Variants in SSH2 observed in about 807,000 individuals in gnomAD.
SSH2 encodes slingshot protein phosphatase 2.
Under a neutral mutation model 135.2 loss-of-function variants are expected in SSH2, and 37 were observed. The ratio of observed to expected loss-of-function variants is 0.27; its 90% CI spans 0.21 to 0.36. SSH2 has a LOEUF of 0.36. Ranked by LOEUF, SSH2 falls within the 10% of genes least tolerant of loss-of-function variation. The pLI is 1.00. For missense variants in SSH2, 1,408 were observed against 1,765.3 expected (o/e 0.80, Z 3.63); for synonymous variants, 628 against 646.2 (o/e 0.97, Z 0.43).
chr17:29,704,682 G>A (rs571468204), intron 3 of SSH2, among the ~76,000 whole-genome samples: 9 of 138,174 alleles, frequency 6.5e-5, no homozygotes, highest in South Asian at 4.5e-4. Flanking sequence ...CAGCTGGGGC[G>A]ACAGAGCAAG....
intron 12 of SSH2, among the ~76,000 whole-genome samples, chr17:29,653,124 T>C (rs1410722402): frequency 6.6e-6 from 1 of 152,184 alleles, no homozygotes; most frequent in East Asian, 1.9e-4. Context: ...TTGAAACTTT[T>C]TTCCCATCTC....
intron 2 of SSH2, among the ~76,000 whole-genome samples, chr17:29,812,477 G>C (rs1180767384): frequency 1.3e-5 from 2 of 151,962 alleles, no homozygotes; most frequent in African/African-American, 4.8e-5. Flanking sequence ...AGAGATGACA[G>C]CTCACTCTAT....
At chr17:29,706,194 G>A (rs1375558409) in intron 3 of SSH2, among the ~76,000 whole-genome samples, 1 of 152,150 alleles carries the variant, frequency 6.6e-6, no homozygotes, top group African/African-American at 2.4e-5. Context: ...GCAGATTAAT[G>A]GACTTTAAGA....
chr17:29,883,476 A>G (rs1376263904), intron 1 of SSH2, among the ~76,000 whole-genome samples: 1 of 152,228 alleles, frequency 6.6e-6, no homozygotes, highest in Admixed American at 6.5e-5. Context: ...TTAACTATAC[A>G]TGACATACTA....
chr17:29,875,074 A>G (rs1290796548), intron 1 of SSH2, among the ~76,000 whole-genome samples: 2 of 152,162 alleles, frequency 1.3e-5, no homozygotes. Context: ...CATTGAGTCA[A>G]ACCATGGTAA....
chr17:29,685,600 A>T (rs2038178021), intron 5 of SSH2, among the ~76,000 whole-genome samples: 2 of 152,070 alleles, frequency 1.3e-5, no homozygotes, highest in African/African-American at 4.8e-5. Flanking sequence ...AGCCTGGCCA[A>T]CATGGTGAAA....
chr17:29,743,923 T>G (rs1392732391), intron 3 of SSH2, among the ~76,000 whole-genome samples: 4 of 142,770 alleles, frequency 2.8e-5, no homozygotes, highest in Non-Finnish European at 6.0e-5. Flanking sequence ...TTTTTTTTTT[T>G]TTTTTTTTAC....
chr17:29,910,247 C>A (rs1170949964), intron 1 of SSH2, among the ~76,000 whole-genome samples: 7 of 152,156 alleles, frequency 4.6e-5, no homozygotes, highest in African/African-American at 1.7e-4. Flanking sequence ...CCATGCCCAG[C>A]TCACTGTTAT....
chr17:29,661,854 A>G (rs1277351517), intron 11 of SSH2, among the ~76,000 whole-genome samples: 1 of 152,216 alleles, frequency 6.6e-6, no homozygotes, highest in Non-Finnish European at 1.5e-5. Context: ...AATAAATTAA[A>G]GGCACTGGTT....
intron 2 of SSH2, among the ~76,000 whole-genome samples, chr17:29,829,862 C>A (rs1338116248): frequency 2.2e-5 from 3 of 136,956 alleles, no homozygotes; most frequent in Admixed American, 7.6e-5. Flanking sequence ...TTTTTTGAGA[C>A]AGAGTCTCGC....
chr17:29,736,516 G>A (rs115905730), intron 3 of SSH2, among the ~76,000 whole-genome samples: 2,041 of 152,218 alleles, frequency 0.013, 56 homozygotes, highest in African/African-American at 0.047. Context: ...GGTTGGGCGC[G>A]GTGGCTCACG....
chr17:29,871,776 T>C (rs2065940017), intron 1 of SSH2, among the ~76,000 whole-genome samples: 1 of 152,100 alleles, frequency 6.6e-6, no homozygotes. Flanking sequence ...GAGTGTAAAA[T>C]AGTAAAATTT....
intron 2 of SSH2, among the ~76,000 whole-genome samples, chr17:29,845,337 A>T (rs1452689328): frequency 6.6e-6 from 1 of 152,168 alleles, no homozygotes; most frequent in Non-Finnish European, 1.5e-5. Context: ...GCTTCAAATT[A>T]CAAAGAAGCT....
intron 2 of SSH2, among the ~76,000 whole-genome samples, chr17:29,825,809 C>T (rs1038974822): frequency 8.5e-5 from 13 of 152,274 alleles, no homozygotes; most frequent in African/African-American, 3.1e-4. Flanking sequence ...TTTTAAACAC[C>T]TGTCATTATA....
Position 29,698,396 on chromosome 17 carries a change from CA to C in SSH2, c.293-2874del, listed in dbSNP as rs1214300097. 2.6e-5 allele frequency among the ~76,000 whole-genome samples: 4 copies of C among 152,230 alleles called. No homozygotes were observed. In the South Asian group the frequency reaches 6.2e-4, roughly 24 times the overall value. ...AGCTGTTAAACAAAAAATAAAAGAACAAGTATGAGGAGACAAAGTGTTAGGT... is the reference window on the plus strand; with the variant it reads ...AGCTGTTAAACAAAAAATAAAAGAACAGTATGAGGAGACAAAGTGTTAGGT... On this transcript the variant is annotated intron_variant, in intron 4 of 15. Transcript: ENST00000540801.
chr17:29,910,771 TG>T (rs990940490), intron 1 of SSH2, among the ~76,000 whole-genome samples: 38 of 152,348 alleles, frequency 2.5e-4, no homozygotes, highest in African/African-American at 8.9e-4. Flanking sequence ...CATTATTTTT[TG>T]CTTTTGAAAT....
At chr17:29,665,952 T>G (rs2037253208) in intron 11 of SSH2, among the ~76,000 whole-genome samples, 1 of 152,220 alleles carries the variant, frequency 6.6e-6, no homozygotes. Context: ...AGTAGTCTCT[T>G]GTCTCTCAGT....
At chr17:29,803,722 A>G (rs1405968319) in intron 2 of SSH2, among the ~76,000 whole-genome samples, 1 of 152,262 alleles carries the variant, frequency 6.6e-6, no homozygotes, top group East Asian at 1.9e-4. Context: ...AAAAACAGGT[A>G]GTTAATGACA....
At chr17:29,903,186 A>C (rs931439590) in intron 1 of SSH2, among the ~76,000 whole-genome samples, 15 of 150,566 alleles carry the variant, frequency 1.0e-4, no homozygotes, top group African/African-American at 3.4e-4. Context: ...CTCTGTCTCA[A>C]CTTAAAAATA....
Sources: allele counts gnomAD v4.1 joint callset (sites outside exome capture counted in the v4.1 genomes callset), GRCh38; gene constraint gnomAD v4.1.1; transcripts MANE v1.5; gene names NCBI Gene and HGNC (gene_info 2026-07-23, HGNC 2026-07-21).